ATAD2: variants seen among roughly 807,000 people sequenced by gnomAD.
ATAD2 encodes ATPase family AAA domain containing 2, also known as ATPase family AAA domain-containing protein 2.
A neutral mutation model predicts 168.9 loss-of-function variants in ATAD2; 62 were observed. The observed-to-expected ratio is 0.37, with a 90% CI of 0.30 to 0.45. ATAD2 has a LOEUF of 0.45. Ranked by LOEUF, ATAD2 falls within the 20% of genes least tolerant of loss-of-function variation. ATAD2 has a pLI of 1.00. For synonymous variants in ATAD2, 613 were observed against 571.6 expected (o/e 1.07, Z -1.03); for missense variants, 1,419 against 1,667.8 (o/e 0.85, Z 2.60).
At chr8:123,358,723 CTTTTTTTTTTTT>C (rs772822406) in intron 11 of ATAD2, among the ~76,000 whole-genome samples, 10 of 76,852 alleles carry the variant, frequency 1.3e-4, no homozygotes, top group East Asian at 3.9e-4. Context: ...TGGTACATTA[CTTTTTTTTTTTT>C]TTTTTTTTTT....
chr8:123,349,107 A>G (rs1828362394), intron 14 of ATAD2, among the ~76,000 whole-genome samples, 178 bp downstream of exon 14: 2 of 152,212 alleles, frequency 1.3e-5, no homozygotes, highest in Non-Finnish European at 2.9e-5. Flanking sequence ...TAATTTTGGG[A>G]AGGCATTATT....
chr8:123,396,294 A>G lies in ATAD2; in HGVS notation c.64T>C (p.Leu22=), dbSNP rs772235162. Reference sequence around the variant, plus strand: ...CTGAGGAAGTCACTGGACAGGTCCAAGGAGCCCGTGGCCGAGGCCGCGGAG... The same window carrying G: ...CTGAGGAAGTCACTGGACAGGTCCAGGGAGCCCGTGGCCGAGGCCGCGGAG... ...NHSAASATGS[L]DLSSDFLSLE... The change falls in exon 1 of 28, where the codon TTG becomes CTG. Residue 22 remains leucine, a synonymous_variant. Transcript: ENST00000287394. 2.2e-5 allele frequency: 36 copies of G among 1,610,900 alleles called. 1 individual carries two copies. The South Asian group carries it at 3.0e-4, about 13-fold the overall frequency.
chr8:123,347,935 CT>C (rs1262958724), intron 15 of ATAD2: 18 of 519,678 alleles, frequency 3.5e-5, no homozygotes, highest in African/African-American at 6.1e-5. Context: ...TACTCTGCCC[CT>C]GATGGCCAAT....
At position 123,348,227 on chromosome 8, in the gene ATAD2, T is replaced by C; in HGVS notation, c.1853A>G (p.Lys618Arg). The C allele has an allele frequency of 6.2e-7, 1 of 1,603,258 alleles. No individual in the cohort carries two copies. The change falls in exon 15 of 28, where the codon AAA becomes AGA. Residue 618 changes from lysine to arginine, a missense_variant. By Grantham distance (26) the Lys-to-Arg change is conservative. Around this residue, in one of 5 missense-constraint regions of ATAD2, gnomAD observed 545 missense variants for 724.9 expected, o/e 0.75. Transcript: ENST00000287394. ...CTCTTCTAAAAATGTGTCCAGTGGT[T>C]TGGGATTCCAATCCCTGGTGTGAAT... ...LKIHTRDWNP[K>R]PLDTFLEELA...
At chr8:123,333,270 C>T (rs1354716347) in intron 24 of ATAD2, among the ~76,000 whole-genome samples, 1 of 136,780 alleles carries the variant, frequency 7.3e-6, no homozygotes, top group East Asian at 2.1e-4. Context: ...ATTAGCCAGG[C>T]ATAGTGGCGG....
At chr8:123,398,707 G>A (rs1812959609), upstream of ATAD2, among the ~76,000 whole-genome samples, 1 of 151,826 alleles carries the variant, frequency 6.6e-6, no homozygotes, top group South Asian at 2.1e-4. Flanking sequence ...GTCTCACTCT[G>A]TTGCCCAGGC....
chr8:123,360,821 T>C (rs2131365292), intron 9 of ATAD2, among the ~76,000 whole-genome samples: 1 of 152,112 alleles, frequency 6.6e-6, no homozygotes, highest in African/African-American at 2.4e-5. Flanking sequence ...TAAATATTTA[T>C]TGGGAAAATC....
At position 123,345,063 on chromosome 8, in the gene ATAD2, G is replaced by A. The variant is rs1270279267; in HGVS notation, c.2539C>T (p.Arg847Cys). ...SPEETCAQVI[R>C]EAKRTAPSIV... is the part of the protein sequence containing the mutation. ...CTTGGTGCTGTTCTCTTAGCTTCACGAATCACCTAGTAGAGAGAGAACAAA... is the reference window on the plus strand; with the variant it reads ...CTTGGTGCTGTTCTCTTAGCTTCACAAATCACCTAGTAGAGAGAGAACAAA... The change falls in exon 19 of 28, where the codon CGT (arginine) becomes TGT (cysteine). Residue 847 changes from arginine (R) to cysteine (C), a missense_variant. Coordinates refer to ENST00000287394, the MANE Select transcript of ATAD2 (RefSeq NM_014109.4). 5.6e-6 allele frequency: 9 copies of A among 1,605,778 alleles called. No individual in the cohort carries two copies. Among genetic ancestry groups the A allele is most frequent in the Non-Finnish European group, 6.0e-6 (7 of 1,174,246 alleles).
intron 8 of ATAD2, among the ~76,000 whole-genome samples, chr8:123,362,360 T>C (rs1828853012): frequency 6.6e-6 from 1 of 151,478 alleles, no homozygotes; most frequent in African/African-American, 2.4e-5. Context: ...AATATTACAC[T>C]ATACATAATA....
At chr8:123,359,901 G>A (rs1046255953) in intron 9 of ATAD2, among the ~76,000 whole-genome samples, 2 of 151,986 alleles carry the variant, frequency 1.3e-5, no homozygotes, top group African/African-American at 4.8e-5. Flanking sequence ...TGAAATTAAA[G>A]ACATATAATC....
intron 1 of ATAD2, among the ~76,000 whole-genome samples, chr8:123,403,429 T>G (rs1813032830): frequency 6.6e-6 from 1 of 151,398 alleles, no homozygotes; most frequent in Non-Finnish European, 1.5e-5. Context: ...TTTAAACATT[T>G]ATTGATTTAT....
chr8:123,354,854 AAAAAAAAAAAATAT>A (rs1828582853), intron 13 of ATAD2, among the ~76,000 whole-genome samples: 1 of 118,356 alleles, frequency 8.4e-6, no homozygotes, highest in Non-Finnish European at 1.6e-5. Flanking sequence ...AAAAAAAAAA[AAAAAAAAAAAATAT>A]ATATATATAT....
chr8:123,360,854 G>A (rs1468945826), intron 9 of ATAD2, among the ~76,000 whole-genome samples: 5 of 151,476 alleles, frequency 3.3e-5, no homozygotes, highest in Non-Finnish European at 4.4e-5. Flanking sequence ...TAGTATACAT[G>A]GACTTACACT....
At chr8:123,413,227 C>G (rs963600919) in intron 1 of ATAD2, among the ~76,000 whole-genome samples, 6 of 15,796 alleles carry the variant, frequency 3.8e-4, no homozygotes, top group Admixed American at 1.1e-3. Context: ...AATGAGCGCC[C>G]CCCCCCCCCC....
At chr8:123,380,439 C>A in intron 2 of ATAD2, 90 bp downstream of exon 2, 1 of 1,318,968 alleles carries the variant, frequency 7.6e-7, no homozygotes, top group Non-Finnish European at 1.1e-6. Flanking sequence ...ACCTTGATGA[C>A]CAGTCAAAAA....
chr8:123,355,853 C>A (rs1828625171), intron 13 of ATAD2, among the ~76,000 whole-genome samples: 1 of 152,166 alleles, frequency 6.6e-6, no homozygotes, highest in Admixed American at 6.6e-5. Flanking sequence ...TTGTTTCTAT[C>A]ATGAGTTAAA....
chr8:123,378,035 C>T (rs193075014), intron 2 of ATAD2, among the ~76,000 whole-genome samples: 1 of 152,284 alleles, frequency 6.6e-6, no homozygotes, highest in African/African-American at 2.4e-5. Context: ...GGACCACTAC[C>T]TTACCTCAGA....
rs1021340306 is a variant in ATAD2, at chr8:123,406,698, T to G, written c.-2281-5523A>C. ...CGGGCGTTGTGGTGCACGCCAGTAC[T>G]CTTGGCTGCTTGGGAGACTGAGTCA... On this transcript the variant is annotated intron_variant, in intron 1 of 28. Transcript: ENST00000521903. Among the ~76,000 whole-genome samples the G allele has an allele frequency of 2.0e-5, 3 of 151,796 alleles. No homozygotes were observed. The South Asian group carries it at 6.2e-4, about 32-fold the overall frequency.
chr8:123,352,456 G>T, intron 13 of ATAD2: 1 of 152,676 alleles, frequency 6.5e-6, no homozygotes. Context: ...ACACTTAGGA[G>T]CTGGGTATCT....
Sources: gnomAD v4.1 joint callset for allele counts (sites outside exome capture counted in the v4.1 genomes callset) on GRCh38, gnomAD v4.1.1 for gene constraint, gnomAD v4.1.1 regional missense constraint, MANE v1.5 for transcripts, NCBI Gene and HGNC (gene_info 2026-07-23, HGNC 2026-07-21) for gene names.